PDE10A: variants seen among roughly 807,000 people sequenced by gnomAD.
The protein encoded by PDE10A is cAMP and cAMP-inhibited cGMP 3',5'-cyclic phosphodiesterase 10A.
Under a neutral mutation model 97.7 loss-of-function variants are expected in PDE10A, and 39 were observed. The observed-to-expected ratio is 0.40, with a 90% CI of 0.31 to 0.52. The LOEUF (loss-of-function observed/expected upper bound fraction) is 0.52, where lower values mean the gene tolerates loss of function less well. Among genes scored for constraint, PDE10A ranks in the 20% least tolerant of loss-of-function variants. The pLI, the probability that PDE10A is intolerant of heterozygous loss-of-function variation, is 0.56. For synonymous variants in PDE10A, 371 were observed against 376.8 expected (o/e 0.98, Z 0.18); for missense variants, 731 against 1,047.8 (o/e 0.70, Z 4.17).
intron 2 of PDE10A, among the ~76,000 whole-genome samples, chr6:165,498,647 T>A (rs1361783441): frequency 6.6e-6 from 1 of 151,930 alleles, no homozygotes; most frequent in Non-Finnish European, 1.5e-5. Context: ...CTGGAAAGTG[T>A]TAATAGTAGA....
chr6:165,392,842 C>T, intron 15 of PDE10A, 46 bp from the exon 16 acceptor site: 1 of 1,583,196 alleles, frequency 6.3e-7, no homozygotes, highest in Non-Finnish European at 8.7e-7. Context: ...TAGAGAATCA[C>T]TATGTTGTAG....
intron 1 of PDE10A, among the ~76,000 whole-genome samples, chr6:165,811,230 AC>A (rs1336308400): frequency 4.6e-5 from 7 of 152,262 alleles, no homozygotes; most frequent in Non-Finnish European, 1.0e-4. Flanking sequence ...CTCAAAAAAA[AC>A]AAACACAAAA....
chr6:165,368,591 TCCC>T (rs1343228847), intron 18 of PDE10A, among the ~76,000 whole-genome samples: 1 of 151,854 alleles, frequency 6.6e-6, no homozygotes, highest in African/African-American at 2.4e-5. Flanking sequence ...GAAATATCAC[TCCC>T]CCAACACAAA....
At chr6:165,642,286 T>C (rs960187691) in intron 1 of PDE10A, among the ~76,000 whole-genome samples, 5 of 152,166 alleles carry the variant, frequency 3.3e-5, no homozygotes, top group Non-Finnish European at 5.9e-5. Flanking sequence ...TGGCTTCCCG[T>C]GCATATGTGT....
chr6:165,628,765 T>A (rs1788500104), intron 1 of PDE10A, among the ~76,000 whole-genome samples: 1 of 152,224 alleles, frequency 6.6e-6, no homozygotes, highest in African/African-American at 2.4e-5. Context: ...ATTTTTAAAG[T>A]GTAGTGCTTT....
intron 1 of PDE10A, among the ~76,000 whole-genome samples, chr6:165,570,808 T>C (rs1329497600): frequency 6.6e-6 from 1 of 152,186 alleles, no homozygotes; most frequent in Non-Finnish European, 1.5e-5. Flanking sequence ...TTCTATAAAG[T>C]CCAAACACTG....
intron 1 of PDE10A, among the ~76,000 whole-genome samples, chr6:165,841,472 C>T (rs1002396809): frequency 1.3e-5 from 2 of 152,240 alleles, no homozygotes; most frequent in African/African-American, 2.4e-5. Flanking sequence ...TGTCTCCCAG[C>T]GCACACACCA....
chr6:165,652,418 C>T (rs1465674486), intron 1 of PDE10A, among the ~76,000 whole-genome samples: 1 of 151,870 alleles, frequency 6.6e-6, no homozygotes, highest in Non-Finnish European at 1.5e-5. Context: ...AACTCCCGGG[C>T]TCAAGCAGTG....
At chr6:165,737,496 T>A (rs775126839) in intron 1 of PDE10A, among the ~76,000 whole-genome samples, 1 of 152,192 alleles carries the variant, frequency 6.6e-6, no homozygotes, top group Non-Finnish European at 1.5e-5. Context: ...GAATTCAACA[T>A]GTGCAAATCC....
chr6:165,561,350 A>C (rs1784514527), intron 1 of PDE10A, among the ~76,000 whole-genome samples: 1 of 152,044 alleles, frequency 6.6e-6, no homozygotes, highest in Non-Finnish European at 1.5e-5. Context: ...CATGCTTCCT[A>C]TGCAGCCTCC....
At chr6:165,707,889 A>AGTTT (rs1425259118) in intron 1 of PDE10A, among the ~76,000 whole-genome samples, 1 of 152,112 alleles carries the variant, frequency 6.6e-6, no homozygotes, top group African/African-American at 2.4e-5. Flanking sequence ...CTGAACACAA[A>AGTTT]GGGGCAGAGT....
chr6:165,800,883 G>A (rs919903850), intron 1 of PDE10A, among the ~76,000 whole-genome samples: 4 of 152,166 alleles, frequency 2.6e-5, no homozygotes, highest in South Asian at 2.1e-4. Flanking sequence ...TTGCTCTTAC[G>A]GTAATAAGGA....
chr6:165,768,706 C>T (rs73788790), intron 1 of PDE10A, among the ~76,000 whole-genome samples: 9,192 of 152,150 alleles, frequency 0.06, 689 homozygotes, highest in African/African-American at 0.17. Flanking sequence ...GAAATCAAGA[C>T]TAGCCTCTTA....
At chr6:165,906,760 G>C (rs548398466) in intron 1 of PDE10A, among the ~76,000 whole-genome samples, 1 of 152,274 alleles carries the variant, frequency 6.6e-6, no homozygotes, top group South Asian at 2.1e-4. Context: ...CTGCCCAAAG[G>C]GCAGATCCTT....
At chr6:165,764,668 C>T (rs1049155047) in intron 1 of PDE10A, among the ~76,000 whole-genome samples, 12 of 151,990 alleles carry the variant, frequency 7.9e-5, no homozygotes, top group Admixed American at 2.0e-4. Context: ...TTCCTCCTGG[C>T]GGGCTTATAG....
chr6:165,822,843 AT>A (rs1012419470), intron 1 of PDE10A, among the ~76,000 whole-genome samples: 41 of 148,720 alleles, frequency 2.8e-4, no homozygotes, highest in African/African-American at 5.7e-4. Flanking sequence ...TAACTTTATA[AT>A]TTTTTTTTTT....
rs1044284624 is a variant in PDE10A at position 165,756,336 on chromosome 6, T to C, written c.-614-212768A>G. Reference sequence around the variant, plus strand: ...GGCATTCACATTGTTCAAAAATTTTTTAAAAATTATAAAAACTCATATATG... The same window carrying C: ...GGCATTCACATTGTTCAAAAATTTTCTAAAAATTATAAAAACTCATATATG... On this transcript the variant is annotated intron_variant, in intron 1 of 19. Coordinates refer to the PDE10A transcript ENST00000366882. Among the ~76,000 whole-genome samples, 3 of 152,178 alleles carry C rather than the reference T, an allele frequency of 2.0e-5. No homozygotes were observed. The South Asian group carries it at 6.2e-4, about 32-fold the overall frequency.
rs191869374 is a variant in PDE10A at position 165,544,629 on chromosome 6, G to A, written c.866-1061C>T. On this transcript the variant is annotated intron_variant, in intron 1 of 21. Coordinates refer to ENST00000539869, the MANE Select transcript of PDE10A (RefSeq NM_001385079.1). ...CACTCTGAGAAAAAAAAGAAGGAAA[G>A]GAAGCATATCTTTATGACTCCAGAG... Among the ~76,000 whole-genome samples the A allele has an allele frequency of 4.4e-3, 664 of 150,406 alleles. 3 individuals are homozygous for A. The highest frequency in any genetic ancestry group is 6.5e-3 in the South Asian group (31 of 4,776).
In PDE10A at chr6:165,766,671, T is replaced by C. The variant is rs557197607; in HGVS notation, c.-615+220858A>G. Among the ~76,000 whole-genome samples the C allele has an allele frequency of 2.7e-4, 41 of 152,356 alleles. No homozygotes were observed. In the East Asian group the frequency reaches 3.9e-3, roughly 14 times the overall value. On this transcript the variant is annotated intron_variant, in intron 1 of 19. Coordinates refer to the PDE10A transcript ENST00000366882. ...GGTGTCTGCAGGCTTGGATTTTGTA[T>C]AAGCCAGGAAATGAAGTCAGCAGAC...
Sources: gnomAD v4.1 joint callset for allele counts (sites outside exome capture counted in the v4.1 genomes callset) on GRCh38, gnomAD v4.1.1 for gene constraint, MANE v1.5 for transcripts, NCBI Gene and HGNC (gene_info 2026-07-23, HGNC 2026-07-21) for gene names.